VPS4B: variants seen among roughly 807,000 people sequenced by gnomAD.
VPS4B encodes the protein vacuolar protein sorting-associated protein 4B.
Under a neutral mutation model 56.1 loss-of-function variants are expected in VPS4B, and 23 were observed. The ratio of observed to expected loss-of-function variants is 0.41; its 90% confidence interval spans 0.30 to 0.58. The LOEUF (loss-of-function observed/expected upper bound fraction) is 0.58, where lower values mean the gene tolerates loss of function less well. VPS4B is among the 20% of genes least tolerant of loss of function. The probability of loss-of-function intolerance (pLI) is 0.29; values close to 1 mark genes in which losing one functional copy is unlikely to be tolerated. For synonymous variants in VPS4B, 177 were observed against 186.0 expected, an observed-to-expected ratio of 0.95 and a Z score of 0.39; for missense variants, 372 against 531.9, an observed-to-expected ratio of 0.70 and a Z score of 2.96.
chr18:63,396,819 T>C, intron 9 of VPS4B: 1 of 507,004 alleles, frequency 2.0e-6, no homozygotes, highest in South Asian at 2.2e-5. Context: ...TGAAATCCTG[T>C]CTCTACTAAA....
At chr18:63,392,324 T>A (rs568384788) in intron 10 of VPS4B, among the ~76,000 whole-genome samples, 1 of 152,366 alleles carries the variant, frequency 6.6e-6, no homozygotes, top group African/African-American at 2.4e-5. Context: ...TAAACTATAT[T>A]AACTGTAATT....
chr18:63,416,927 C>A (rs940354177), intron 1 of VPS4B, among the ~76,000 whole-genome samples: 1 of 152,146 alleles, frequency 6.6e-6, no homozygotes, highest in South Asian at 2.1e-4. Context: ...GCTATCTGCC[C>A]CCACTGCACT....
chr18:63,391,673 A>G (rs1046267543), intron 10 of VPS4B, among the ~76,000 whole-genome samples: 2 of 152,224 alleles, frequency 1.3e-5, no homozygotes, highest in African/African-American at 4.8e-5. Flanking sequence ...CAAGGCCTCC[A>G]AAGTATGTTC....
In VPS4B at chr18:63,422,434, C is replaced by G. The variant is rs746708456; in HGVS notation, c.-175G>C. The G allele has an allele frequency of 6.3e-6, 3 of 476,552 alleles. No individual in the cohort carries two copies. Among genetic ancestry groups the G allele is most frequent in the Admixed American group, 4.5e-5 (1 of 22,458 alleles). 29.5% of individuals were successfully genotyped at this position (476,552 alleles called of 1,614,324 possible). On this transcript the variant is annotated 5_prime_UTR_variant, in exon 1 of 11. Coordinates refer to ENST00000238497, the MANE Select transcript of VPS4B (RefSeq NM_004869.4). The stretch of plus-strand genomic sequence containing the variant: ...TTAGACAACACTCTCTCCACCAGAG[C>G]TCCGACCCTCCCCACCAAACTTCCG...
chr18:63,418,466 C>T (rs377664240), intron 1 of VPS4B, among the ~76,000 whole-genome samples: 5 of 151,580 alleles, frequency 3.3e-5, no homozygotes, highest in East Asian at 1.9e-4. Context: ...CTGGAGTACA[C>T]GGGTGTGATC....
At chr18:63,421,938 T>C (rs753779826) in intron 1 of VPS4B, among the ~76,000 whole-genome samples, 6 of 152,196 alleles carry the variant, frequency 3.9e-5, no homozygotes, top group Non-Finnish European at 8.8e-5. Flanking sequence ...TCTTTCTCCG[T>C]TAACCCTGAT....
At chr18:63,415,848 T>C in intron 1 of VPS4B, 1 of 193,558 alleles carries the variant, frequency 5.2e-6, no homozygotes, top group South Asian at 1.0e-4. Context: ...AGGTACAGTC[T>C]GTATGGTGAG....
chr18:63,399,227 A>T lies in VPS4B; in HGVS notation c.872+15T>A, dbSNP rs1826640502. 6.3e-7 allele frequency: 1 copy of T among 1,593,418 alleles called. No homozygotes were observed. The highest frequency in any genetic ancestry group is 8.6e-7 in the Non-Finnish European group (1 of 1,163,640). Reference sequence around the variant, plus strand: ...ATCTGCAGTGAGAAATAAGATATTTACTATATTATCCTACCTTCGCCTAAT... The same window carrying T: ...ATCTGCAGTGAGAAATAAGATATTTTCTATATTATCCTACCTTCGCCTAAT... On this transcript the variant is annotated intron_variant, in intron 8 of 10. Coordinates refer to ENST00000238497, the MANE Select transcript of VPS4B (RefSeq NM_004869.4).
In VPS4B at chr18:63,393,541, TC is replaced by T; in HGVS notation, c.1100del (p.Gly367AspfsTer11). On this transcript the variant is annotated frameshift_variant, in exon 10 of 11. Transcript: ENST00000238497. LOFTEE classifies it high-confidence loss of function. ...QSATHFKKVR[G>X]PSRADPNHLV... ...GATGGTTAGGATCAGCTCGGGAAGG[TC>T]CGCGAACCTGAAATAAACAGTAATC... The T allele has an allele frequency of 6.3e-7, 1 of 1,580,228 alleles. No homozygotes were observed. The highest frequency in any genetic ancestry group is 1.2e-5 in the South Asian group (1 of 84,040).
At chr18:63,406,529 AATAC>A (rs1054987696) in intron 4 of VPS4B, among the ~76,000 whole-genome samples, 2 of 152,242 alleles carry the variant, frequency 1.3e-5, no homozygotes, top group African/African-American at 2.4e-5. Flanking sequence ...AAATGAACAA[AATAC>A]ATACTACCAA....
chr18:63,399,173 CAA>C (rs1915754664), intron 8 of VPS4B, 67 bp downstream of exon 8: 1 of 1,412,290 alleles, frequency 7.1e-7, no homozygotes, highest in Non-Finnish European at 9.9e-7. Flanking sequence ...CCTGACAAGA[CAA>C]AAAGAGAATT....
intron 4 of VPS4B, chr18:63,404,398 G>A (rs1444022054): frequency 2.0e-5 from 3 of 152,146 alleles, no homozygotes; most frequent in Admixed American, 6.5e-5. Flanking sequence ...GGGAAACCGA[G>A]AAAAGATACC....
intron 3 of VPS4B, among the ~76,000 whole-genome samples, chr18:63,408,897 A>G (rs1915974131): frequency 6.6e-6 from 1 of 152,190 alleles, no homozygotes; most frequent in Non-Finnish European, 1.5e-5. Flanking sequence ...AGCAAGAGAG[A>G]AGAGCTTCTA....
At chr18:63,392,678 G>T (rs563158171) in intron 10 of VPS4B, among the ~76,000 whole-genome samples, 1 of 151,828 alleles carries the variant, frequency 6.6e-6, no homozygotes, top group South Asian at 2.1e-4. Flanking sequence ...TCGATCTCCT[G>T]ACCTCATGAT....
In VPS4B at chr18:63,399,408, G is replaced by GT. The variant is rs367949641; in HGVS notation, c.791-86dup. The GT allele has an allele frequency of 6.3e-4, 763 of 1,214,284 alleles. 1 individual carries two copies. Among genetic ancestry groups the GT allele is most frequent in the Non-Finnish European group, 8.4e-4 (703 of 832,414 alleles). 75.2% of individuals were successfully genotyped at this position (1,214,284 alleles called of 1,614,324 possible). A position where few individuals can be genotyped will look rare whatever the true frequency, so the allele number is the denominator to read the frequency against. On this transcript the variant is annotated intron_variant, in intron 7 of 10. Transcript: ENST00000238497. Reference sequence around the variant, plus strand: ...TCCATATATTCTGTTAAGAAATGTGGTGCTTTACCATTAAAGTGCTTCATC... The same window carrying GT: ...TCCATATATTCTGTTAAGAAATGTGGTTGCTTTACCATTAAAGTGCTTCATC...
intron 4 of VPS4B, 106 bp downstream of exon 4, chr18:63,407,326 T>C (rs960364030): frequency 8.1e-5 from 84 of 1,035,450 alleles, no homozygotes; most frequent in Middle Eastern, 2.8e-4. Flanking sequence ...AGCCAGTTCT[T>C]AAACTTCATT....
At chr18:63,411,740 C>T (rs1021902262) in intron 1 of VPS4B, among the ~76,000 whole-genome samples, 162 bp from the exon 2 acceptor site, 4 of 151,226 alleles carry the variant, frequency 2.6e-5, no homozygotes, top group African/African-American at 9.7e-5. Context: ...ACTAAAAAAT[C>T]ATTTTTTTCT....
At chr18:63,398,565 C>T (rs937976366) in intron 8 of VPS4B, among the ~76,000 whole-genome samples, 6 of 151,662 alleles carry the variant, frequency 4.0e-5, no homozygotes, top group Non-Finnish European at 7.4e-5. Flanking sequence ...TGGCTGGGCA[C>T]GGTGGCTCAC....
intron 6 of VPS4B, 136 bp downstream of exon 6, chr18:63,400,411 C>A: frequency 8.8e-7 from 1 of 1,134,770 alleles, no homozygotes; most frequent in East Asian, 2.6e-5. Flanking sequence ...AGATTAGAGA[C>A]TGATTTGACA....
Sources: allele counts gnomAD v4.1 joint callset (sites outside exome capture counted in the v4.1 genomes callset), GRCh38; gene constraint gnomAD v4.1.1; transcripts MANE v1.5; gene names NCBI Gene and HGNC (gene_info 2026-07-23, HGNC 2026-07-21).